The following ZBTB20 variants were observed in gnomAD, a reference collection of about 807,000 sequenced individuals.
ZBTB20 encodes the protein zinc finger and BTB domain containing 20.
A neutral mutation model predicts 56.9 loss-of-function variants in ZBTB20; 9 were observed. The ratio of observed to expected loss-of-function variants is 0.16; its 90% CI spans 0.10 to 0.28. ZBTB20 has a LOEUF of 0.28. ZBTB20 is among the 10% of genes least tolerant of loss of function. The pLI is 1.00. For missense variants in ZBTB20, 655 were observed against 1,003.0 expected (o/e 0.65, Z 4.69); for synonymous variants, 417 against 420.7 (o/e 0.99, Z 0.11).
At chr3:114,654,632 G>A (rs1453970881) in intron 6 of ZBTB20, among the ~76,000 whole-genome samples, 1 of 151,992 alleles carries the variant, frequency 6.6e-6, no homozygotes, top group African/African-American at 2.4e-5. Context: ...TTCTCCAGGT[G>A]GGAATAGAAC....
intron 6 of ZBTB20, among the ~76,000 whole-genome samples, chr3:114,628,222 T>C (rs2058749585): frequency 6.6e-6 from 1 of 152,206 alleles, no homozygotes; most frequent in African/African-American, 2.4e-5. Context: ...TAGTTGGTAT[T>C]TTGTATTTGT....
intron 1 of ZBTB20, among the ~76,000 whole-genome samples, chr3:115,118,546 T>A (rs1013017024): frequency 2.7e-5 from 4 of 150,354 alleles, no homozygotes; most frequent in Non-Finnish European, 5.9e-5. Flanking sequence ...TCCCCTATTT[T>A]AAAAAAAAAG....
At chr3:115,065,262 G>T (rs1339552053) in intron 2 of ZBTB20, among the ~76,000 whole-genome samples, 2 of 151,998 alleles carry the variant, frequency 1.3e-5, no homozygotes, top group African/African-American at 2.4e-5. Flanking sequence ...TTTCATAGTA[G>T]CAGTATCTTC....
intron 4 of ZBTB20, among the ~76,000 whole-genome samples, chr3:114,840,778 A>AGAAT (rs1283219758): frequency 1.3e-5 from 2 of 152,196 alleles, no homozygotes; most frequent in African/African-American, 4.8e-5. Context: ...TTATAGAGGA[A>AGAAT]GAATATAGGA....
At chr3:114,980,400 A>G (rs753367818) in intron 2 of ZBTB20, among the ~76,000 whole-genome samples, 2 of 151,996 alleles carry the variant, frequency 1.3e-5, no homozygotes, top group Non-Finnish European at 2.9e-5. Context: ...AGGGTCCATA[A>G]AACAATTATT....
intron 6 of ZBTB20, among the ~76,000 whole-genome samples, chr3:114,650,994 G>A (rs552981253): frequency 6.6e-6 from 1 of 152,086 alleles, no homozygotes; most frequent in South Asian, 2.1e-4. Flanking sequence ...AATGAGAGAT[G>A]AGTCAGCTCG....
intron 5 of ZBTB20, among the ~76,000 whole-genome samples, chr3:114,780,726 T>G (rs923665952): frequency 6.6e-6 from 1 of 152,198 alleles, no homozygotes; most frequent in Non-Finnish European, 1.5e-5. Context: ...GATCTCATGA[T>G]CAGCCCACCT....
chr3:114,844,330 A>AT (rs2074542977), intron 4 of ZBTB20, among the ~76,000 whole-genome samples: 1 of 99,302 alleles, frequency 1.0e-5, no homozygotes, highest in Non-Finnish European at 1.8e-5. Context: ...TACTGGAGTA[A>AT]ATATATATAT....
intron 7 of ZBTB20, among the ~76,000 whole-genome samples, chr3:114,478,695 G>A (rs1483661158): frequency 6.6e-6 from 1 of 152,130 alleles, no homozygotes; most frequent in African/African-American, 2.4e-5. Flanking sequence ...GTATGCATAT[G>A]TGTATGTGTG....
chr3:114,314,661 A>C lies in ZBTB20; in HGVS notation c.*24344T>G, dbSNP rs1176876891. On this transcript the variant is annotated 3_prime_UTR_variant, in exon 12 of 12. Coordinates refer to ENST00000675478, the MANE Select transcript of ZBTB20 (RefSeq NM_001348800.3). ...AAAAACAAACATCATTCTTAGCAAC[A>C]TCAATTACTCTTCCACACAAAACAG... 1 of 151,956 alleles carries C rather than the reference A, an allele frequency of 6.6e-6. No individual in the cohort carries two copies. The highest frequency in any genetic ancestry group is 2.4e-5 in the African/African-American group (1 of 41,406). The allele number at this position is 151,956 out of a possible 1,614,324, so 9.4% of individuals were successfully genotyped here. A position where few individuals can be genotyped will look rare whatever the true frequency, so the allele number is the denominator to read the frequency against.
intron 1 of ZBTB20, among the ~76,000 whole-genome samples, chr3:115,071,960 A>G (rs2082425588): frequency 6.6e-6 from 1 of 152,178 alleles, no homozygotes; most frequent in East Asian, 1.9e-4. Flanking sequence ...GAGGATGACA[A>G]AGAAGCTTCC....
intron 6 of ZBTB20, among the ~76,000 whole-genome samples, chr3:114,638,875 G>C (rs1458831092): frequency 1.3e-5 from 2 of 152,026 alleles, no homozygotes; most frequent in Non-Finnish European, 2.9e-5. Context: ...AATGATAAAT[G>C]TTTTAAAGGA....
At chr3:114,608,088 T>C (rs562594279) in intron 6 of ZBTB20, among the ~76,000 whole-genome samples, 4 of 152,170 alleles carry the variant, frequency 2.6e-5, no homozygotes, top group African/African-American at 9.6e-5. Flanking sequence ...GACCATTTAC[T>C]AGGAAGGGTT....
intron 4 of ZBTB20, among the ~76,000 whole-genome samples, chr3:114,879,003 A>G (rs1402210470): frequency 6.6e-6 from 1 of 152,222 alleles, no homozygotes; most frequent in African/African-American, 2.4e-5. Flanking sequence ...CCTCGATGGA[A>G]TTATCATCCG....
intron 5 of ZBTB20, among the ~76,000 whole-genome samples, chr3:114,697,101 A>G (rs1211924370): frequency 5.9e-5 from 9 of 151,576 alleles, no homozygotes; most frequent in Non-Finnish European, 1.2e-4. Context: ...AAAAAAGAAA[A>G]AAAAAAAAGC....
intron 5 of ZBTB20, among the ~76,000 whole-genome samples, chr3:114,709,177 T>C (rs1003801258): frequency 2.6e-5 from 4 of 152,306 alleles, no homozygotes; most frequent in African/African-American, 9.6e-5. Flanking sequence ...TTAAGTCCTA[T>C]ATTTTGCTTT....
chr3:114,396,963 T>C (rs1279480040), intron 7 of ZBTB20, among the ~76,000 whole-genome samples: 2 of 152,138 alleles, frequency 1.3e-5, no homozygotes, highest in Non-Finnish European at 2.9e-5. Flanking sequence ...GAACTCACTT[T>C]CCCAGAAGCC....
chr3:114,389,916 C>A (rs1002051054), intron 7 of ZBTB20, among the ~76,000 whole-genome samples: 6 of 145,790 alleles, frequency 4.1e-5, no homozygotes, highest in African/African-American at 1.3e-4. Context: ...AAAAGAATTA[C>A]CTCATGTATT....
intron 4 of ZBTB20, among the ~76,000 whole-genome samples, chr3:114,869,798 C>G (rs548730795): frequency 1.3e-5 from 2 of 152,174 alleles, no homozygotes; most frequent in Non-Finnish European, 1.5e-5. Context: ...CTTAATGTTA[C>G]ATAACCCACT....
Sources: gnomAD v4.1 joint callset for allele counts (sites outside exome capture counted in the v4.1 genomes callset) on GRCh38, gnomAD v4.1.1 for gene constraint, MANE v1.5 for transcripts, NCBI Gene and HGNC (gene_info 2026-07-23, HGNC 2026-07-21) for gene names.